PKP4: variants seen among roughly 807,000 people sequenced by gnomAD.
PKP4 encodes plakophilin 4.
A neutral mutation model predicts 145.1 loss-of-function variants in PKP4; 90 were observed. The ratio of observed to expected loss-of-function variants is 0.62; its 90% CI spans 0.52 to 0.74. The LOEUF (loss-of-function observed/expected upper bound fraction) is 0.74. Ranked by LOEUF, PKP4 falls within the 30% of genes least tolerant of loss-of-function variation. The probability of loss-of-function intolerance (pLI) is 0.00; values close to 1 mark genes in which losing one functional copy is unlikely to be tolerated. For missense variants in PKP4, 1,340 were observed against 1,482.7 expected, an observed-to-expected ratio of 0.90 and a Z score of 1.58; for synonymous variants, 563 against 577.2, an observed-to-expected ratio of 0.98 and a Z score of 0.35.
At chr2:158,484,787 A>G (rs1383723832) in intron 1 of PKP4, among the ~76,000 whole-genome samples, 1 of 152,208 alleles carries the variant, frequency 6.6e-6, no homozygotes, top group Non-Finnish European at 1.5e-5. Flanking sequence ...AGTGTGGTAA[A>G]TAGAAGATTG....
At chr2:158,492,776 T>TCTTA (rs1489347881) in intron 1 of PKP4, among the ~76,000 whole-genome samples, 5 of 152,238 alleles carry the variant, frequency 3.3e-5, no homozygotes, top group Non-Finnish European at 7.3e-5. Flanking sequence ...ATTTTCTTCT[T>TCTTA]CTTACAGAAG....
intron 15 of PKP4, among the ~76,000 whole-genome samples, chr2:158,664,237 C>T (rs1414084411): frequency 6.6e-6 from 1 of 152,206 alleles, no homozygotes; most frequent in African/African-American, 2.4e-5. Flanking sequence ...CAGGACAGAA[C>T]ACAGGTTGGG....
At chr2:158,590,312 AGTGTGTGTGTGTGTGTGTGT>A (rs57003090) in intron 3 of PKP4, among the ~76,000 whole-genome samples, 22 of 124,238 alleles carry the variant, frequency 1.8e-4, no homozygotes, top group Admixed American at 9.9e-4. Flanking sequence ...GAATGTCTTG[AGTGTGTGTGTGTGTGTGTGT>A]GTGTGTGTGT....
intron 2 of PKP4, among the ~76,000 whole-genome samples, chr2:158,538,048 A>C (rs2044208997): frequency 6.6e-6 from 1 of 152,086 alleles, no homozygotes; most frequent in Non-Finnish European, 1.5e-5. Flanking sequence ...GGTGCCCTCA[A>C]AGGATCCTGC....
chr2:158,599,667 T>A (rs2050063034), intron 3 of PKP4, among the ~76,000 whole-genome samples: 1 of 152,212 alleles, frequency 6.6e-6, no homozygotes, highest in Non-Finnish European at 1.5e-5. Flanking sequence ...CTTCTCTGGC[T>A]TATGTAAGCA....
chr2:158,611,646 T>G (rs999610506), intron 4 of PKP4, among the ~76,000 whole-genome samples: 2 of 152,144 alleles, frequency 1.3e-5, no homozygotes, highest in East Asian at 1.9e-4. Flanking sequence ...ACTGAATTTA[T>G]AAAGGAGATA....
At chr2:158,519,184 G>A (rs531450675) in intron 1 of PKP4, among the ~76,000 whole-genome samples, 6 of 150,854 alleles carry the variant, frequency 4.0e-5, no homozygotes. Context: ...GAATTATTTA[G>A]GTCACTCTTA....
intron 3 of PKP4, among the ~76,000 whole-genome samples, chr2:158,577,865 A>G (rs1005957221): frequency 3.3e-5 from 5 of 152,196 alleles, no homozygotes; most frequent in Non-Finnish European, 5.9e-5. Flanking sequence ...GTACTCACAT[A>G]CAGTAAATAC....
intron 1 of PKP4, among the ~76,000 whole-genome samples, chr2:158,523,423 T>C (rs1324692225): frequency 3.2e-5 from 3 of 94,904 alleles, no homozygotes; most frequent in African/African-American, 7.7e-5. Flanking sequence ...CTGAGGGTCC[T>C]GTCTGTTAGA....
intron 20 of PKP4, among the ~76,000 whole-genome samples, chr2:158,678,172 C>T (rs2058177109): frequency 6.6e-6 from 1 of 152,304 alleles, no homozygotes; most frequent in African/African-American, 2.4e-5. Context: ...TTGTGTTTCG[C>T]TTCTCCTCTC....
intron 2 of PKP4, among the ~76,000 whole-genome samples, chr2:158,543,260 C>G (rs911562837): frequency 1.3e-5 from 2 of 152,072 alleles, no homozygotes; most frequent in African/African-American, 4.8e-5. Context: ...TTTGGGTTTT[C>G]TGGTTAGGAA....
intron 3 of PKP4, among the ~76,000 whole-genome samples, chr2:158,589,364 G>A (rs1340835762): frequency 6.6e-6 from 1 of 152,106 alleles, no homozygotes; most frequent in African/African-American, 2.4e-5. Flanking sequence ...CCATTGGAGT[G>A]TCAAGGGGGT....
intron 11 of PKP4, among the ~76,000 whole-genome samples, chr2:158,649,019 C>G (rs145192251): frequency 6.6e-6 from 1 of 152,142 alleles, no homozygotes; most frequent in Non-Finnish European, 1.5e-5. Flanking sequence ...ACAATCACAA[C>G]AGAAACATTC....
At chr2:158,522,596 A>C (rs1356409063) in intron 1 of PKP4, among the ~76,000 whole-genome samples, 1 of 152,078 alleles carries the variant, frequency 6.6e-6, no homozygotes, top group East Asian at 1.9e-4. Context: ...TAATGGTATG[A>C]TTTTAAAAAA....
At chr2:158,571,759 G>A (rs1225954670) in intron 2 of PKP4, among the ~76,000 whole-genome samples, 2 of 152,154 alleles carry the variant, frequency 1.3e-5, no homozygotes, top group African/African-American at 4.8e-5. Context: ...CTTAATGAGG[G>A]TAAGAGACTA....
At chr2:158,457,847 C>G (rs1054149618) in intron 1 of PKP4, 1 of 153,778 alleles carries the variant, frequency 6.5e-6, no homozygotes, top group African/African-American at 2.4e-5. Flanking sequence ...TCCTCACGCT[C>G]CACCCCTCCC....
intron 4 of PKP4, among the ~76,000 whole-genome samples, chr2:158,616,395 C>T (rs2051623662): frequency 6.6e-6 from 1 of 152,208 alleles, no homozygotes; most frequent in Non-Finnish European, 1.5e-5. Context: ...AAGTAGACTC[C>T]TTCGTAAGCC....
intron 3 of PKP4, among the ~76,000 whole-genome samples, chr2:158,584,574 C>G (rs140720536): frequency 5.0e-4 from 76 of 152,302 alleles, no homozygotes; most frequent in African/African-American, 1.7e-3. Flanking sequence ...TTAGTCCTAG[C>G]ACTTTGGGAG....
chr2:158,477,841 G>C (rs1692725886), intron 1 of PKP4, among the ~76,000 whole-genome samples: 1 of 152,110 alleles, frequency 6.6e-6, no homozygotes, highest in African/African-American at 2.4e-5. Flanking sequence ...GAGTAACATA[G>C]CAAGACACTC....
Sources: gnomAD v4.1 joint callset for allele counts (sites outside exome capture counted in the v4.1 genomes callset) on GRCh38, gnomAD v4.1.1 for gene constraint, MANE v1.5 for transcripts, NCBI Gene and HGNC (gene_info 2026-07-23, HGNC 2026-07-21) for gene names.